Variants in C19orf81 observed in about 807,000 individuals in gnomAD.
The protein encoded by C19orf81 is chromosome 19 open reading frame 81.
Under a neutral mutation model 22.1 loss-of-function variants are expected in C19orf81, and 19 were observed. The ratio of observed to expected loss-of-function variants is 0.86; its 90% CI spans 0.60 to 1.26. The LOEUF is 1.26. Ranked by LOEUF, C19orf81 falls within the 50% of genes most tolerant of loss-of-function variation. The pLI is 0.00. For synonymous variants in C19orf81, 108 were observed against 113.1 expected (o/e 0.95, Z 0.29); for missense variants, 287 against 280.7 (o/e 1.02, Z -0.16).
At chr19:50,651,509 GTC>G (rs903884558) in intron 1 of C19orf81, among the ~76,000 whole-genome samples, 12 of 152,134 alleles carry the variant, frequency 7.9e-5, no homozygotes, top group African/African-American at 2.9e-4. Flanking sequence ...GCAGAGGTGT[GTC>G]TCATTCATCT....
Position 50,653,692 on chromosome 19 carries a change from ACAC to A in C19orf81, c.68-2357_68-2355del, listed in dbSNP as rs1568421077. Reference sequence around the variant, plus strand: ...TTGTAATGAGAGACAGCACACACACACACACACACACACACACACACACACACA... The same window carrying A: ...TTGTAATGAGAGACAGCACACACACAACACACACACACACACACACACACA... On this transcript the variant is annotated intron_variant, in intron 1 of 4. Transcript: ENST00000425202. Among the ~76,000 whole-genome samples, 5 of 66,866 alleles carry A rather than the reference ACAC, an allele frequency of 7.5e-5. No individual in the cohort carries two copies. The East Asian group carries it at 1.8e-3, about 24-fold the overall frequency. The allele number at this position is 66,866 out of a possible 152,430, so 43.9% of individuals were successfully genotyped here.
intron 4 of C19orf81, chr19:50,658,524 G>C: frequency 3.8e-6 from 1 of 264,762 alleles, no homozygotes; most frequent in South Asian, 6.9e-5. Flanking sequence ...GTAGGGGCCC[G>C]AGTTTGAGTG....
chr19:50,659,012 G>C lies in C19orf81; in HGVS notation c.467G>C (p.Arg156Pro). The change falls in exon 5 of 5, where the codon CGC (arginine) becomes CCC (proline). Residue 156 changes from arginine to proline, a missense_variant. Coordinates refer to ENST00000425202, the MANE Select transcript of C19orf81 (RefSeq NM_001195076.2). ...TTGCTGCGCTCCGGGCTCAGTCCCC[G>C]CGGGCTTGCGCACCAGATCGTGCGC... is the stretch of plus-strand genomic sequence containing the variant. ...SRLLRSGLSP[R>P]GLAHQIVRHD... 6.5e-7 allele frequency: 1 copy of C among 1,528,796 alleles called. No homozygotes were observed. The highest frequency in any genetic ancestry group is 8.8e-7 in the Non-Finnish European group (1 of 1,142,848). 94.7% of individuals were successfully genotyped at this position (1,528,796 alleles called of 1,614,324 possible).
intron 4 of C19orf81, chr19:50,658,462 C>T: frequency 3.4e-6 from 1 of 294,078 alleles, no homozygotes; most frequent in Non-Finnish European, 6.4e-6. Flanking sequence ...AGAGTGAGCG[C>T]GGTTGGAGGT....
At chr19:50,656,390 G>C (rs1011439775) in intron 3 of C19orf81, 44 bp downstream of exon 3, 4 of 1,506,848 alleles carry the variant, frequency 2.7e-6, no homozygotes, top group Non-Finnish European at 3.5e-6. Context: ...TTTTGGTGGG[G>C]TGATGGGAAG....
At chr19:50,649,664 G>A in intron 1 of C19orf81, 153 bp downstream of exon 1, 1 of 886,848 alleles carries the variant, frequency 1.1e-6, no homozygotes, top group South Asian at 1.4e-5. Flanking sequence ...TTCCTGGAGA[G>A]CGGCCCCCTT....
chr19:50,649,650 C>G (rs1307574282), intron 1 of C19orf81, 139 bp downstream of exon 1: 1 of 992,782 alleles, frequency 1.0e-6, no homozygotes, highest in Non-Finnish European at 1.5e-6. Flanking sequence ...CTGGATTCAC[C>G]AGATTCCTGG....
chr19:50,658,142 G>A lies in C19orf81; in HGVS notation c.401+14G>A, dbSNP rs1985040415. Reference sequence around the variant, plus strand: ...GCGCCGGAACCGGTGAGTAAGCGGCGGGGGCGGGGCCTGGAGCGAGCGGGA... The same window carrying A: ...GCGCCGGAACCGGTGAGTAAGCGGCAGGGGCGGGGCCTGGAGCGAGCGGGA... On this transcript the variant is annotated intron_variant, in intron 4 of 4. Transcript: ENST00000425202. 4.6e-6 allele frequency: 7 copies of A among 1,531,170 alleles called. No individual in the cohort carries two copies. Among genetic ancestry groups the A allele is most frequent in the Non-Finnish European group, 6.1e-6 (7 of 1,144,670 alleles). 94.8% of individuals were successfully genotyped at this position (1,531,170 alleles called of 1,614,324 possible). A position where few individuals can be genotyped will look rare whatever the true frequency, so the allele number is the denominator to read the frequency against.
In C19orf81 at chr19:50,656,264, C is replaced by G; in HGVS notation, c.179C>G (p.Ala60Gly). ...CGGCAGGTCATTGCAGAGTACGAGG[C>G]ACTGGACCGAGAACTCCCGTGCATC... ...YLRQVIAEYE[A>G]LDRELPCIRK... Residue 60 changes from alanine (A) to glycine (G), a missense_variant, in exon 3 of 5, where the codon GCA (alanine) becomes GGA (glycine). Transcript: ENST00000425202. 1 of 1,536,172 alleles carries G rather than the reference C, an allele frequency of 6.5e-7. No individual in the cohort carries two copies. Among genetic ancestry groups the G allele is most frequent in the South Asian group, 1.2e-5 (1 of 84,054 alleles).
At chr19:50,650,379 C>A (rs1384789139) in intron 1 of C19orf81, among the ~76,000 whole-genome samples, 1 of 152,194 alleles carries the variant, frequency 6.6e-6, no homozygotes, top group Non-Finnish European at 1.5e-5. Flanking sequence ...TAATAGAAAA[C>A]CAAACTCAGG....
At chr19:50,658,264 G>T (rs1245144719) in intron 4 of C19orf81, 136 bp downstream of exon 4, 10 of 973,444 alleles carry the variant, frequency 1.0e-5, no homozygotes, top group Non-Finnish European at 1.5e-5. Context: ...GGGGCCCGGG[G>T]CGACTAGATA....
At chr19:50,654,967 T>C (rs959134206) in intron 1 of C19orf81, among the ~76,000 whole-genome samples, 2 of 152,182 alleles carry the variant, frequency 1.3e-5, no homozygotes, top group Non-Finnish European at 2.9e-5. Context: ...GCTTGCCATA[T>C]CTGAACATGG....
At position 50,655,985 on chromosome 19, in the gene C19orf81, C is replaced by T; in HGVS notation, c.68-65C>T. On this transcript the variant is annotated intron_variant, in intron 1 of 4. Coordinates refer to ENST00000425202, the MANE Select transcript of C19orf81 (RefSeq NM_001195076.2). The stretch of plus-strand genomic sequence containing the variant: ...GGCATGGGCAAGCAATTGGTGATGG[C>T]CATTTAAGCAGAATCATGGCTGAGG... 4 of 1,460,540 alleles carry T rather than the reference C, an allele frequency of 2.7e-6. 1 individual carries two copies. In the South Asian group the frequency reaches 3.6e-5, roughly 13 times the overall value. 90.5% of individuals were successfully genotyped at this position (1,460,540 alleles called of 1,614,324 possible).
At position 50,659,121 on chromosome 19, in the gene C19orf81, G is replaced by C. The variant is rs1599831341; in HGVS notation, c.576G>C (p.Ala192=). The change falls in exon 5 of 5, where the codon GCG becomes GCC. Residue 192 remains alanine (A), a synonymous_variant. Transcript: ENST00000425202. ...VRRRMLEALG[A]EPNEEA The stretch of plus-strand genomic sequence containing the variant: ...GGCGCATGCTCGAGGCCCTGGGGGC[G>C]GAGCCGAACGAGGAGGCCTGACGCC... The C allele has an allele frequency of 5.6e-6, 8 of 1,430,378 alleles. No homozygotes were observed. The East Asian group carries it at 2.4e-4, about 42-fold the overall frequency. 88.6% of individuals were successfully genotyped at this position (1,430,378 alleles called of 1,614,324 possible).
intron 1 of C19orf81, among the ~76,000 whole-genome samples, chr19:50,654,387 C>T (rs1230313665): frequency 6.6e-6 from 1 of 152,132 alleles, no homozygotes; most frequent in Non-Finnish European, 1.5e-5. Context: ...ACTGCAACCT[C>T]TGCCTCCTGG....
chr19:50,658,826 C>A, intron 4 of C19orf81, 121 bp from the exon 5 acceptor site: 1 of 880,922 alleles, frequency 1.1e-6, no homozygotes, highest in Non-Finnish European at 1.6e-6. Flanking sequence ...AGGGACGGAG[C>A]GATGGTCCGC....
chr19:50,649,984 C>T (rs1331784395), intron 1 of C19orf81, among the ~76,000 whole-genome samples: 1 of 152,158 alleles, frequency 6.6e-6, no homozygotes, highest in Non-Finnish European at 1.5e-5. Context: ...ACTCTCCCTT[C>T]CCCATTCCTT....
chr19:50,659,085 C>T lies in C19orf81; in HGVS notation c.540C>T (p.Ser180=). 6.6e-7 allele frequency: 1 copy of T among 1,508,346 alleles called. No homozygotes were observed. The highest frequency in any genetic ancestry group is 2.0e-5 in the Admixed American group (1 of 48,850). 93.4% of individuals were successfully genotyped at this position (1,508,346 alleles called of 1,614,324 possible). The part of the protein sequence containing the change: ...LGDYRLHLRR[S]LVRRRMLEAL... ...ACTACCGCCTGCACCTGCGCCGCTC[C>T]CTGGTCCGGCGGCGCATGCTCGAGG... Residue 180 remains serine (S), a synonymous_variant, in exon 5 of 5, where the codon TCC becomes TCT. Coordinates refer to ENST00000425202, the MANE Select transcript of C19orf81 (RefSeq NM_001195076.2).
intron 1 of C19orf81, 122 bp from the exon 2 acceptor site, chr19:50,655,928 T>A: frequency 3.2e-6 from 3 of 930,338 alleles, no homozygotes; most frequent in African/African-American, 1.6e-5. Flanking sequence ...AGACAGTAAC[T>A]CAACATCTGG....
Sources: allele counts gnomAD v4.1 joint callset (sites outside exome capture counted in the v4.1 genomes callset), GRCh38; gene constraint gnomAD v4.1.1; transcripts MANE v1.5; gene names NCBI Gene and HGNC (gene_info 2026-07-23, HGNC 2026-07-21).